Variants in METTL4 observed in about 807,000 individuals in gnomAD.
METTL4 encodes N(6)-adenine-specific methyltransferase METTL4.
In METTL4, 40 loss-of-function variants were observed where a neutral mutation model predicts 54.0. The ratio of observed to expected loss-of-function variants is 0.74; its 90% CI spans 0.58 to 0.96. The LOEUF is 0.96. Among genes scored for constraint, METTL4 ranks in the 50% least tolerant of loss-of-function variants. The pLI is 0.00. For missense variants in METTL4, 525 were observed against 549.0 expected (o/e 0.96, Z 0.44); for synonymous variants, 169 against 183.8 (o/e 0.92, Z 0.65).
intron 3 of METTL4, among the ~76,000 whole-genome samples, chr18:2,558,628 A>T (rs575500347): frequency 8.9e-5 from 13 of 145,332 alleles, no homozygotes; most frequent in East Asian, 2.1e-4. Flanking sequence ...AAGAAATAAT[A>T]AAAAAAAACA....
At chr18:2,549,316 C>T (rs1045544168) in intron 5 of METTL4, among the ~76,000 whole-genome samples, 1 of 151,978 alleles carries the variant, frequency 6.6e-6, no homozygotes, top group Non-Finnish European at 1.5e-5. Flanking sequence ...AGTTCTTTAC[C>T]ATCAACCTAC....
chr18:2,557,352 G>A (rs1351641849), intron 3 of METTL4, among the ~76,000 whole-genome samples: 1 of 152,124 alleles, frequency 6.6e-6, no homozygotes, highest in Non-Finnish European at 1.5e-5. Flanking sequence ...GCTCCCTAGG[G>A]CCAAGAATAG....
chr18:2,540,867 T>A, intron 8 of METTL4: 1 of 985,454 alleles, frequency 1.0e-6, no homozygotes, highest in Non-Finnish European at 1.2e-6. Flanking sequence ...CAACCCTATT[T>A]TAGAAATTTA....
chr18:2,540,146 G>C, intron 8 of METTL4: 1 of 985,106 alleles, frequency 1.0e-6, no homozygotes, highest in Non-Finnish European at 1.2e-6. Flanking sequence ...AGGCTAAAGA[G>C]CTGTTGTCTA....
chr18:2,564,392 T>C (rs1420707341), intron 2 of METTL4, among the ~76,000 whole-genome samples: 2 of 152,210 alleles, frequency 1.3e-5, no homozygotes, highest in African/African-American at 2.4e-5. Flanking sequence ...TCAGCACCCA[T>C]GAAATACAAG....
chr18:2,540,674 G>A, intron 8 of METTL4: 2 of 985,390 alleles, frequency 2.0e-6, no homozygotes, highest in Admixed American at 6.1e-5. Context: ...AACCTTGAAA[G>A]AGAAAGATTT....
At chr18:2,556,134 A>G (rs2072235516) in intron 3 of METTL4, among the ~76,000 whole-genome samples, 1 of 152,174 alleles carries the variant, frequency 6.6e-6, no homozygotes, top group Admixed American at 6.5e-5. Flanking sequence ...ATGGGATGAA[A>G]CTACCAAAGG....
At chr18:2,542,839 T>C (rs1213108342) in intron 8 of METTL4, among the ~76,000 whole-genome samples, 3 of 152,044 alleles carry the variant, frequency 2.0e-5, no homozygotes, top group Non-Finnish European at 2.9e-5. Context: ...ATAAACACCC[T>C]TCTAGAGGCT....
Position 2,563,600 on chromosome 18 carries a change from C to CAAAAA in METTL4, c.459+192_459+196dup, listed in dbSNP as rs67428228. ...TGGGCAACAGAATGAGACTCTGCCT[C>CAAAAA]AAAAAAAAAAAAAAAAAAAAGACAA... On this transcript the variant is annotated intron_variant, in intron 3 of 8. Transcript: ENST00000574538. Among the ~76,000 whole-genome samples the CAAAAA allele has an allele frequency of 2.2e-3, 217 of 97,688 alleles. 3 individuals carry two copies. The highest frequency in any genetic ancestry group is 3.4e-3 in the Non-Finnish European group (181 of 53,010). The allele number at this position is 97,688 out of a possible 152,430, so 64.1% of individuals were successfully genotyped here.
At chr18:2,539,535 G>A (rs1567950362) in intron 8 of METTL4, among the ~76,000 whole-genome samples, 2 of 149,368 alleles carry the variant, frequency 1.3e-5, no homozygotes, top group East Asian at 3.9e-4. Flanking sequence ...AGGCTGGAGT[G>A]CAATGGTGCA....
At chr18:2,566,292 C>T (rs918387587) in intron 2 of METTL4, among the ~76,000 whole-genome samples, 1 of 151,934 alleles carries the variant, frequency 6.6e-6, no homozygotes, top group African/African-American at 2.4e-5. Context: ...ACTTTACAAA[C>T]GGGTATATTT....
Position 2,554,675 on chromosome 18 carries a change from G to T in METTL4, c.823C>A (p.Leu275Ile), listed in dbSNP as rs757131605. ...AAACACAATAATTACTTACAGTTTA[G>T]AAGTGGTTGCATACAAGAAATGTCA... ...LSDISCMQPL[L>I]NYRKTFDVIV... Residue 275 changes from leucine (L) to isoleucine (I), a missense_variant, in exon 4 of 9, where the codon CTA (leucine) becomes ATA (isoleucine). Transcript: ENST00000574538. 8.7e-6 allele frequency: 14 copies of T among 1,601,824 alleles called. No homozygotes were observed. The highest frequency in any genetic ancestry group is 1.1e-5 in the Non-Finnish European group (13 of 1,177,208).
chr18:2,547,616 C>G (rs571913180), intron 5 of METTL4, 87 bp from the exon 6 acceptor site: 2 of 976,170 alleles, frequency 2.0e-6, no homozygotes, highest in Non-Finnish European at 2.9e-6. Context: ...ACACAGACTC[C>G]ACAAATGCAA....
chr18:2,564,788 A>G (rs1296855026), intron 2 of METTL4, among the ~76,000 whole-genome samples: 1 of 152,184 alleles, frequency 6.6e-6, no homozygotes, highest in Non-Finnish European at 1.5e-5. Context: ...ATTTTTTTCC[A>G]TGTTATAAGA....
chr18:2,557,575 G>A (rs1211956450), intron 3 of METTL4, among the ~76,000 whole-genome samples: 1 of 152,172 alleles, frequency 6.6e-6, no homozygotes, highest in African/African-American at 2.4e-5. Flanking sequence ...TCCCTCTGGG[G>A]CAAAAGGTCA....
chr18:2,558,278 C>T (rs1001801820), intron 3 of METTL4, among the ~76,000 whole-genome samples: 1 of 152,050 alleles, frequency 6.6e-6, no homozygotes, highest in Non-Finnish European at 1.5e-5. Flanking sequence ...TTCTATACCC[C>T]ATTGGATTTA....
In METTL4 at chr18:2,552,018, C is replaced by G. The variant is rs939136813; in HGVS notation, c.899+677G>C. The stretch of plus-strand genomic sequence containing the variant: ...GACCAGCCTGGCCAATATGGTGAAA[C>G]CCCGTCTCTACTAAAAATACAAAAA... On this transcript the variant is annotated intron_variant, in intron 5 of 8. Coordinates refer to ENST00000574538, the MANE Select transcript of METTL4 (RefSeq NM_022840.5). 2.0e-5 allele frequency among the ~76,000 whole-genome samples: 3 copies of G among 152,106 alleles called. No individual in the cohort carries two copies. In the East Asian group the frequency reaches 5.8e-4, roughly 30 times the overall value.
chr18:2,563,795 A>T lies in METTL4; in HGVS notation c.459+2T>A. ...TGTGATCAATGAACATTTTACACTT[A>T]CCTTTGTATGGTATTCCATAGCATC... On this transcript the variant is annotated splice_donor_variant, in intron 3 of 8. Transcript: ENST00000574538. LOFTEE classifies it high-confidence loss of function. 1 of 1,596,062 alleles carries T rather than the reference A, an allele frequency of 6.3e-7. No homozygotes were observed. Among genetic ancestry groups the T allele is most frequent in the Non-Finnish European group, 8.5e-7 (1 of 1,169,732 alleles).
chr18:2,540,689 A>C (rs959357910), intron 8 of METTL4: 4 of 985,306 alleles, frequency 4.1e-6, no homozygotes, highest in Non-Finnish European at 3.6e-6. Context: ...AGATTTCCCT[A>C]GAGTCTTGGA....
Sources: gnomAD v4.1 joint callset for allele counts (sites outside exome capture counted in the v4.1 genomes callset) on GRCh38, gnomAD v4.1.1 for gene constraint, MANE v1.5 for transcripts, NCBI Gene and HGNC (gene_info 2026-07-23, HGNC 2026-07-21) for gene names.